The following TBL1X variants were observed in gnomAD, a reference collection of about 807,000 sequenced individuals.
TBL1X encodes F-box-like/WD repeat-containing protein TBL1X.
Under a neutral mutation model 50.7 loss-of-function variants are expected in TBL1X, and 10 were observed. The observed-to-expected ratio is 0.20, with a 90% CI of 0.12 to 0.33. The LOEUF (loss-of-function observed/expected upper bound fraction) is 0.33. Ranked by LOEUF, TBL1X falls within the 10% of genes least tolerant of loss-of-function variation. The pLI, the probability that TBL1X is intolerant of heterozygous loss-of-function variation, is 1.00. For missense variants in TBL1X, 340 were observed against 504.4 expected (o/e 0.67, Z 3.12); for synonymous variants, 190 against 214.7 (o/e 0.88, Z 1.01).
chrX:9,592,823 A>T (rs1480279783), intron 2 of TBL1X, among the ~76,000 whole-genome samples: 4 of 112,459 alleles, frequency 3.6e-5, no homozygotes, highest in African/African-American at 1.3e-4. Context: ...TTGTGGCCGA[A>T]TACTAATCCG....
intron 2 of TBL1X, among the ~76,000 whole-genome samples, chrX:9,631,798 A>G (rs2082723092): frequency 8.9e-6 from 1 of 112,879 alleles, no homozygotes; most frequent in Non-Finnish European, 1.9e-5. Flanking sequence ...TATTTCTGCC[A>G]CTTATCATTT....
intron 5 of TBL1X, among the ~76,000 whole-genome samples, chrX:9,683,531 G>A (rs2083038295): frequency 9.0e-6 from 1 of 111,655 alleles, no homozygotes; most frequent in Non-Finnish European, 1.9e-5. Context: ...TTGTTGAGTT[G>A]TGATACACTT....
intron 1 of TBL1X, among the ~76,000 whole-genome samples, chrX:9,481,055 C>G (rs753759477): frequency 5.4e-5 from 6 of 111,387 alleles, no homozygotes; most frequent in Non-Finnish European, 9.4e-5. Flanking sequence ...TTAACTGTGG[C>G]TGTTCTGAAA....
At position 9,540,249 on chromosome X, in the gene TBL1X, A is replaced by G. The variant is rs184023217; in HGVS notation, c.-131+38400A>G. On this transcript the variant is annotated intron_variant, in intron 2 of 17. Coordinates refer to ENST00000645353, the MANE Select transcript of TBL1X (RefSeq NM_005647.4). ...AGTTGGGTTACCAAGACAAAGATGC[A>G]GGCATGGGGTGCAAGTTAACAAAGG... Among the ~76,000 whole-genome samples, 7 of 112,402 alleles carry G rather than the reference A, an allele frequency of 6.2e-5. No individual in the cohort carries two copies. The East Asian group carries it at 2.0e-3, about 31-fold the overall frequency.
At position 9,711,555 on chromosome X, in the gene TBL1X, G is replaced by A. The variant is rs146701425; in HGVS notation, c.1440-56G>A. 2,382 of 1,064,562 alleles carry A rather than the reference G, an allele frequency of 2.2e-3. 39 individuals carry two copies. The African/African-American group carries it at 0.034, about 15-fold the overall frequency. 87.7% of individuals were successfully genotyped at this position (1,064,562 alleles called of 1,213,427 possible). A position where few individuals can be genotyped will look rare whatever the true frequency, so the allele number is the denominator to read the frequency against. ...CTGGAGATCTGATACACATTATGGA[G>A]AACTGTTTGAAACCACCGTGTGTAT... On this transcript the variant is annotated intron_variant, in intron 15 of 17. Transcript: ENST00000645353.
Position 9,691,560 on chromosome X carries a change from T to A in TBL1X, c.617-19T>A. On this transcript the variant is annotated intron_variant, in intron 7 of 17. Coordinates refer to ENST00000645353, the MANE Select transcript of TBL1X (RefSeq NM_005647.4). ...CTTGTATTGGTAAGCCACTTGTCTCTTTGTGTTTGCTGTGACAGATAATCA... is the reference window on the plus strand; with the variant it reads ...CTTGTATTGGTAAGCCACTTGTCTCATTGTGTTTGCTGTGACAGATAATCA... The A allele has an allele frequency of 8.3e-7, 1 of 1,208,904 alleles. No homozygotes were observed. Among genetic ancestry groups the A allele is most frequent in the Non-Finnish European group, 1.1e-6 (1 of 893,832 alleles).
At chrX:9,608,767 A>G (rs2082597001) in intron 2 of TBL1X, among the ~76,000 whole-genome samples, 1 of 112,109 alleles carries the variant, frequency 8.9e-6, no homozygotes, top group African/African-American at 3.2e-5. Flanking sequence ...AACAAGGCCA[A>G]CTGACATAAG....
intron 2 of TBL1X, among the ~76,000 whole-genome samples, chrX:9,624,745 A>C (rs16985620): frequency 0.037 from 4,146 of 112,016 alleles, 203 homozygotes; most frequent in African/African-American, 0.13. Context: ...GATTTGGGAA[A>C]TGTGACATGA....
chrX:9,522,401 G>A (rs1264933378), intron 2 of TBL1X, among the ~76,000 whole-genome samples: 1 of 111,503 alleles, frequency 9.0e-6, no homozygotes, highest in African/African-American at 3.3e-5. Context: ...GTCCTTGAGT[G>A]AGAGGGAAGG....
At chrX:9,595,010 C>T (rs948373042) in intron 2 of TBL1X, among the ~76,000 whole-genome samples, 31 of 111,982 alleles carry the variant, frequency 2.8e-4, no homozygotes, top group East Asian at 5.6e-4. Flanking sequence ...TCATTTTCCC[C>T]GCTGGGTCAA....
rs768250733 is a variant in TBL1X, at chrX:9,643,342, C to T, written c.-43+2982C>T. Among the ~76,000 whole-genome samples, 10 of 111,341 alleles carry T rather than the reference C, an allele frequency of 9.0e-5. No homozygotes were observed. The East Asian group carries it at 2.8e-3, about 32-fold the overall frequency. On this transcript the variant is annotated intron_variant, in intron 3 of 17. Coordinates refer to ENST00000645353, the MANE Select transcript of TBL1X (RefSeq NM_005647.4). ...GAGGAGATTGAGGAGTCCTGCTCAC[C>T]GCTGCTTCTGTCAGCCCTTTATTTT...
At chrX:9,507,801 A>G (rs1722508019) in intron 2 of TBL1X, among the ~76,000 whole-genome samples, 1 of 112,141 alleles carries the variant, frequency 8.9e-6, no homozygotes, top group African/African-American at 3.2e-5. Context: ...ATCTGTAACC[A>G]TCTGATCTTC....
intron 5 of TBL1X, among the ~76,000 whole-genome samples, chrX:9,662,435 C>T (rs1601823987): frequency 8.9e-6 from 1 of 111,966 alleles, no homozygotes; most frequent in Non-Finnish European, 1.9e-5. Flanking sequence ...CACTTGAAGA[C>T]ACTATGCCAA....
intron 2 of TBL1X, among the ~76,000 whole-genome samples, chrX:9,629,813 C>T (rs769163151): frequency 9.0e-6 from 1 of 111,055 alleles, no homozygotes; most frequent in Admixed American, 9.6e-5. Context: ...AGAAACAGAC[C>T]GTACTAGGAT....
At chrX:9,507,394 G>A (rs766100299) in intron 2 of TBL1X, among the ~76,000 whole-genome samples, 26 of 111,438 alleles carry the variant, frequency 2.3e-4, no homozygotes, top group Non-Finnish European at 4.7e-4. Context: ...GGGATGTGAA[G>A]GACCTCTTCA....
At chrX:9,703,166 CATG>C (rs760258118) in intron 12 of TBL1X, among the ~76,000 whole-genome samples, 5 of 109,849 alleles carry the variant, frequency 4.6e-5, no homozygotes, top group Admixed American at 1.9e-4. Flanking sequence ...CAAGAAGCCT[CATG>C]ATGATCCTTA....
intron 2 of TBL1X, among the ~76,000 whole-genome samples, chrX:9,546,386 C>T (rs1002710457): frequency 7.2e-5 from 8 of 111,484 alleles, no homozygotes; most frequent in South Asian, 3.8e-4. Context: ...TGGTGGCGGG[C>T]GCCTGTAGTC....
intron 2 of TBL1X, among the ~76,000 whole-genome samples, chrX:9,525,021 G>A (rs898780920): frequency 1.8e-5 from 2 of 111,987 alleles, no homozygotes; most frequent in African/African-American, 6.5e-5. Context: ...GTTGGCAATG[G>A]AAGTGGGTTG....
chrX:9,540,293 C>A (rs962163117), intron 2 of TBL1X, among the ~76,000 whole-genome samples: 11 of 112,335 alleles, frequency 9.8e-5, no homozygotes, highest in African/African-American at 3.2e-4. Context: ...TAGGTGGCAA[C>A]TGACTCACAG....
Sources: gnomAD v4.1 joint callset for allele counts (sites outside exome capture counted in the v4.1 genomes callset) on GRCh38, gnomAD v4.1.1 for gene constraint, MANE v1.5 for transcripts, NCBI Gene and HGNC (gene_info 2026-07-23, HGNC 2026-07-21) for gene names.